Variants in ADAMTS20 observed in about 807,000 individuals in gnomAD.
ADAMTS20 encodes ADAM metallopeptidase with thrombospondin type 1 motif 20, also known as A disintegrin and metalloproteinase with thrombospondin motifs 20.
A neutral mutation model predicts 260.1 loss-of-function variants in ADAMTS20; 225 were observed. The observed-to-expected ratio is 0.87, with a 90% CI of 0.78 to 0.97. ADAMTS20 has a LOEUF of 0.97. Ranked by LOEUF, ADAMTS20 falls within the 50% of genes least tolerant of loss-of-function variation. The pLI, the probability that ADAMTS20 is intolerant of heterozygous loss-of-function variation, is 0.00. For synonymous variants in ADAMTS20, 802 were observed against 769.5 expected (o/e 1.04, Z -0.70); for missense variants, 2,400 against 2,337.7 (o/e 1.03, Z -0.55).
At chr12:43,416,420 T>C (rs1333024482) in intron 28 of ADAMTS20, among the ~76,000 whole-genome samples, 1 of 152,200 alleles carries the variant, frequency 6.6e-6, no homozygotes, top group East Asian at 1.9e-4. Flanking sequence ...CTCATTGGTC[T>C]TCTTGACATG....
At chr12:43,528,192 A>C (rs1172120576) in intron 3 of ADAMTS20, among the ~76,000 whole-genome samples, 2 of 151,890 alleles carry the variant, frequency 1.3e-5, no homozygotes, top group Admixed American at 6.6e-5. Context: ...GCATAAATGA[A>C]TAACAAACAA....
intron 2 of ADAMTS20, among the ~76,000 whole-genome samples, chr12:43,549,492 A>G (rs566572796): frequency 1.7e-4 from 26 of 152,280 alleles, no homozygotes; most frequent in African/African-American, 5.8e-4. Flanking sequence ...ATTTAACTAC[A>G]TCAACATTAT....
chr12:43,421,756 TAA>T (rs1457216127), intron 28 of ADAMTS20, among the ~76,000 whole-genome samples: 1 of 152,004 alleles, frequency 6.6e-6, no homozygotes, highest in African/African-American at 2.4e-5. Context: ...TGCTAACAAA[TAA>T]GTCTTATACT....
chr12:43,452,416 A>G lies in ADAMTS20; in HGVS notation c.1943-6T>C, dbSNP rs1941882732. 1.2e-6 allele frequency: 2 copies of G among 1,605,858 alleles called. No homozygotes were observed. Among genetic ancestry groups the G allele is most frequent in the Admixed American group, 3.4e-5 (2 of 58,034 alleles). Reference sequence around the variant, plus strand: ...ACAACGATCCTTTGTGCCAACTGTAAAAAAGAAAAAGGTCAAATTTTTAAT... The same window carrying G: ...ACAACGATCCTTTGTGCCAACTGTAGAAAAGAAAAAGGTCAAATTTTTAAT... On this transcript the variant is annotated splice_region_variant and splice_polypyrimidine_tract_variant and intron_variant, in intron 13 of 38. Transcript: ENST00000389420.
intron 2 of ADAMTS20, among the ~76,000 whole-genome samples, chr12:43,547,448 G>A (rs1332374685): frequency 1.3e-5 from 2 of 152,146 alleles, no homozygotes; most frequent in East Asian, 1.9e-4. Context: ...AGAAACAGAA[G>A]GCATATTGCA....
chr12:43,458,349 G>T (rs7309884), intron 11 of ADAMTS20, among the ~76,000 whole-genome samples: 1 of 151,696 alleles, frequency 6.6e-6, no homozygotes, highest in Non-Finnish European at 1.5e-5. Context: ...ACGTTCCCAA[G>T]TTGAAGGGTC....
chr12:43,496,780 T>C (rs899902642), intron 4 of ADAMTS20, among the ~76,000 whole-genome samples: 1 of 152,150 alleles, frequency 6.6e-6, no homozygotes, highest in Non-Finnish European at 1.5e-5. Context: ...ATTCCACAGT[T>C]TGAGAAATGA....
chr12:43,551,766 C>T lies in ADAMTS20; in HGVS notation c.91+65G>A. The T allele has an allele frequency of 2.0e-6, 3 of 1,530,476 alleles. No individual in the cohort carries two copies. Among genetic ancestry groups the T allele is most frequent in the Non-Finnish European group, 2.7e-6 (3 of 1,108,850 alleles). The allele number at this position is 1,530,476 out of a possible 1,614,324, so 94.8% of individuals were successfully genotyped here. A position where few individuals can be genotyped will look rare whatever the true frequency, so the allele number is the denominator to read the frequency against. On this transcript the variant is annotated intron_variant, in intron 1 of 38. Transcript: ENST00000389420. This position sits in a 1 kb window ranked among gnomAD's most constrained non-coding sequence, Gnocchi z 4.6. The stretch of plus-strand genomic sequence containing the variant: ...GGGCTGAGCCGCTCGTCCCCGCGAC[C>T]TGCATGTCCCACTCGGGCCCCGCGC...
chr12:43,478,898 G>A (rs1383141343), intron 7 of ADAMTS20, among the ~76,000 whole-genome samples: 2 of 152,170 alleles, frequency 1.3e-5, no homozygotes, highest in Non-Finnish European at 2.9e-5. Flanking sequence ...TCAGACAGAT[G>A]TGTAGGTACC....
intron 19 of ADAMTS20, chr12:43,433,746 C>A (rs758439351): frequency 2.2e-6 from 1 of 450,406 alleles, no homozygotes. Flanking sequence ...ACACACAAAC[C>A]AAATAACAAG....
In ADAMTS20 at chr12:43,428,412, A is replaced by G; in HGVS notation, c.3774T>C (p.Cys1258=). The change falls in exon 26 of 39, where the codon TGT becomes TGC. Residue 1258 remains cysteine, a synonymous_variant. Transcript: ENST00000389420. ...GTGCAGGAGGGCAGGCTGCCAGGCT[A>G]CATTCCTGTTCCATCAAAGGGCGAA... ...PEVRPLMEQE[C]SLAACPPAHS... 1 of 1,613,928 alleles carries G rather than the reference A, an allele frequency of 6.2e-7. No individual in the cohort carries two copies. The highest frequency in any genetic ancestry group is 8.5e-7 in the Non-Finnish European group (1 of 1,179,870).
intron 3 of ADAMTS20, among the ~76,000 whole-genome samples, chr12:43,523,909 CT>C (rs1415075285): frequency 6.6e-6 from 1 of 151,324 alleles, no homozygotes; most frequent in Non-Finnish European, 1.5e-5. Context: ...AGGACAGACA[CT>C]TTGGGGGAGC....
At chr12:43,456,859 A>C (rs1941973856) in intron 11 of ADAMTS20, among the ~76,000 whole-genome samples, 1 of 152,138 alleles carries the variant, frequency 6.6e-6, no homozygotes, top group Non-Finnish European at 1.5e-5. Flanking sequence ...GTAACTAAAG[A>C]TGACTTAGGT....
At chr12:43,472,185 G>C (rs865934206) in intron 7 of ADAMTS20, among the ~76,000 whole-genome samples, 2 of 147,846 alleles carry the variant, frequency 1.4e-5, no homozygotes, top group Non-Finnish European at 3.0e-5. Context: ...ACTACGTGAA[G>C]AATGCAGAAG....
At chr12:43,537,204 G>A (rs1290695508) in intron 2 of ADAMTS20, among the ~76,000 whole-genome samples, 4 of 150,546 alleles carry the variant, frequency 2.7e-5, no homozygotes, top group Admixed American at 1.3e-4. Flanking sequence ...CATAACTGGC[G>A]GAATTTTGAA....
chr12:43,487,253 A>G (rs1171127043), intron 7 of ADAMTS20, among the ~76,000 whole-genome samples: 1 of 152,212 alleles, frequency 6.6e-6, no homozygotes, highest in Admixed American at 6.5e-5. Flanking sequence ...AAACAATGAA[A>G]TAATGTCCTT....
chr12:43,495,570 A>C (rs542189367), intron 4 of ADAMTS20, among the ~76,000 whole-genome samples: 1 of 152,324 alleles, frequency 6.6e-6, no homozygotes, highest in African/African-American at 2.4e-5. Context: ...GTTAATTATC[A>C]CAGTATGTCT....
At chr12:43,379,849 C>T (rs1259010364) in intron 31 of ADAMTS20, among the ~76,000 whole-genome samples, 1 of 152,086 alleles carries the variant, frequency 6.6e-6, no homozygotes, top group Admixed American at 6.6e-5. Flanking sequence ...ACACTTCACA[C>T]AAGAAAAGCC....
chr12:43,537,357 T>C (rs951889874), intron 2 of ADAMTS20, among the ~76,000 whole-genome samples: 2 of 151,964 alleles, frequency 1.3e-5, no homozygotes, highest in Admixed American at 1.3e-4. Flanking sequence ...ACCCGGCCCT[T>C]ACTTTTATTT....
Sources: allele counts gnomAD v4.1 joint callset (sites outside exome capture counted in the v4.1 genomes callset), GRCh38; gene constraint gnomAD v4.1.1; non-coding constraint Gnocchi (gnomAD v3.1); transcripts MANE v1.5; gene names NCBI Gene and HGNC (gene_info 2026-07-23, HGNC 2026-07-21).